Variants in SFI1 observed in about 807,000 individuals in gnomAD.
SFI1 encodes SFI1 centrin binding protein.
A neutral mutation model predicts 207.5 loss-of-function variants in SFI1; 195 were observed. The ratio of observed to expected loss-of-function variants is 0.94; its 90% CI spans 0.84 to 1.06. The LOEUF is 1.06. Ranked by LOEUF, SFI1 falls within the 50% of genes least tolerant of loss-of-function variation. The pLI is 0.00. For synonymous variants in SFI1, 630 were observed against 598.9 expected, an observed-to-expected ratio of 1.05 and a Z score of -0.76; for missense variants, 1,634 against 1,588.0, an observed-to-expected ratio of 1.03 and a Z score of -0.49.
chr22:31,603,838 G>C lies in SFI1; in HGVS notation c.1881+19G>C. On this transcript the variant is annotated intron_variant, in intron 18 of 32. Coordinates refer to ENST00000400288, the MANE Select transcript of SFI1 (RefSeq NM_001007467.3). ...GAGGGAGGTAAGGCTTTGGTGCGAG[G>C]TGCCACCCGTGTATGACTTTTGGAC... 6.4e-7 allele frequency: 1 copy of C among 1,573,902 alleles called. No individual in the cohort carries two copies. Among genetic ancestry groups the C allele is most frequent in the Non-Finnish European group, 8.6e-7 (1 of 1,167,230 alleles).
chr22:31,580,207 A>G, intron 11 of SFI1, 65 bp from the exon 12 acceptor site: 7 of 1,306,180 alleles, frequency 5.4e-6, no homozygotes, highest in Non-Finnish European at 7.7e-6. Flanking sequence ...GCCTTCCTCT[A>G]CTCTTAGTTT....
chr22:31,529,998 G>A (rs5753677), intron 3 of SFI1, among the ~76,000 whole-genome samples: 12,339 of 149,784 alleles, frequency 0.082, 812 homozygotes, highest in East Asian at 0.36. Flanking sequence ...GTGAAACCCC[G>A]TCTCTACTAA....
intron 24 of SFI1, chr22:31,612,168 GGAGATC>G (rs1459294378): frequency 1.5e-6 from 1 of 680,500 alleles, no homozygotes; most frequent in Non-Finnish European, 1.8e-6. Flanking sequence ...CATGAGGTCA[GGAGATC>G]GAGACCATCC....
At chr22:31,536,677 T>C (rs554518477) in intron 4 of SFI1, among the ~76,000 whole-genome samples, 15 of 152,320 alleles carry the variant, frequency 9.8e-5, no homozygotes, top group Admixed American at 5.9e-4. Flanking sequence ...CCTCCCAAAA[T>C]GCTGGGATTA....
rs535464036 is a variant in SFI1 at position 31,615,334 on chromosome 22, C to T, written c.3300+55C>T. 11 of 1,378,928 alleles carry T rather than the reference C, an allele frequency of 8.0e-6. No individual in the cohort carries two copies. The East Asian group carries it at 2.0e-4, about 25-fold the overall frequency. 85.4% of individuals were successfully genotyped at this position (1,378,928 alleles called of 1,614,324 possible). A position where few individuals can be genotyped will look rare whatever the true frequency, so the allele number is the denominator to read the frequency against. ...TGGGGCTCTCACTCTGGTCTGACTT[C>T]TGGTGCTTTCTCATGCCACAGCTGT... On this transcript the variant is annotated intron_variant, in intron 29 of 32. Coordinates refer to ENST00000400288, the MANE Select transcript of SFI1 (RefSeq NM_001007467.3).
At chr22:31,535,780 G>A (rs1194677801) in intron 4 of SFI1, among the ~76,000 whole-genome samples, 1 of 152,124 alleles carries the variant, frequency 6.6e-6, no homozygotes, top group Non-Finnish European at 1.5e-5. Context: ...AGGTCTCGCT[G>A]TATTGCCCTG....
At chr22:31,517,289 C>T (rs1369929872) in intron 2 of SFI1, among the ~76,000 whole-genome samples, 1 of 152,104 alleles carries the variant, frequency 6.6e-6, no homozygotes, top group Non-Finnish European at 1.5e-5. Flanking sequence ...CGCACTGTCA[C>T]ACTGGCTGGA....
Position 31,614,834 on chromosome 22 carries a change from C to A in SFI1, c.3042C>A (p.Phe1014Leu), listed in dbSNP as rs771724850. 24 of 1,613,840 alleles carry A rather than the reference C, an allele frequency of 1.5e-5. No homozygotes were observed. Among genetic ancestry groups the A allele is most frequent in the Non-Finnish European group, 1.9e-5 (23 of 1,180,026 alleles). ...GGAAGCAGCCGCGACGCCCACACTT[C>A]CTGTTGGAGCCTGCGCAGAGCCAGA... ...SARKQPRRPH[F>L]LLEPAQSQRP... The change falls in exon 28 of 33, where the codon TTC (phenylalanine) becomes TTA (leucine). Residue 1014 changes from phenylalanine (F) to leucine (L), a missense_variant. Transcript: ENST00000400288.
At chr22:31,583,014 C>T (rs989882769) in intron 12 of SFI1, among the ~76,000 whole-genome samples, 5 of 152,166 alleles carry the variant, frequency 3.3e-5, no homozygotes. Context: ...GCCTCATCCT[C>T]CTGGGCTCAA....
Position 31,602,205 on chromosome 22 carries a change from T to C in SFI1, c.1545-7T>C. 6.2e-7 allele frequency: 1 copy of C among 1,612,296 alleles called. No homozygotes were observed. Among genetic ancestry groups the C allele is most frequent in the Non-Finnish European group, 8.5e-7 (1 of 1,178,298 alleles). On this transcript the variant is annotated splice_region_variant and splice_polypyrimidine_tract_variant and intron_variant, in intron 15 of 32. Transcript: ENST00000400288. ...TTAAGTGCTTTACATTCTTCCTTGT[T>C]TTTTAGGGAGACATTAGAGAAGCAA...
intron 18 of SFI1, 59 bp from the exon 19 acceptor site, chr22:31,604,250 G>A: frequency 1.4e-6 from 2 of 1,384,142 alleles, no homozygotes; most frequent in Non-Finnish European, 2.0e-6. Flanking sequence ...AGGCAAAGCA[G>A]GAAGCCACCC....
chr22:31,589,370 A>T, intron 14 of SFI1, 77 bp from the exon 15 acceptor site: 1 of 1,294,580 alleles, frequency 7.7e-7, no homozygotes, highest in Non-Finnish European at 1.0e-6. Context: ...CAATCCTCCC[A>T]CAAGGGTGTG....
chr22:31,528,667 C>T, intron 2 of SFI1, 23 bp from the exon 3 acceptor site: 1 of 1,606,352 alleles, frequency 6.2e-7, no homozygotes, highest in Non-Finnish European at 8.5e-7. Flanking sequence ...TCTCTCCTTG[C>T]CTCTTTCGTC....
chr22:31,618,290 C>CT, intron 32 of SFI1, 24 bp from the exon 33 acceptor site: 1 of 1,605,844 alleles, frequency 6.2e-7, no homozygotes, highest in Non-Finnish European at 8.5e-7. Context: ...CCTCTCAGCC[C>CT]TGCCTGTCCC....
chr22:31,528,925 A>G (rs1035718702), intron 3 of SFI1, 62 bp downstream of exon 3: 2 of 1,489,500 alleles, frequency 1.3e-6, no homozygotes, highest in Non-Finnish European at 1.8e-6. Flanking sequence ...TTCTTGGTTA[A>G]AATGGGGGAA....
intron 12 of SFI1, among the ~76,000 whole-genome samples, chr22:31,581,748 T>C (rs1287532973): frequency 4.6e-5 from 7 of 152,146 alleles, no homozygotes; most frequent in Admixed American, 3.3e-4. Flanking sequence ...ATGAAAAATG[T>C]TTAAACATAC....
In SFI1 at chr22:31,601,336, G is replaced by A. The variant is rs902407459; in HGVS notation, c.1545-876G>A. Among the ~76,000 whole-genome samples, 3 of 152,072 alleles carry A rather than the reference G, an allele frequency of 2.0e-5. No homozygotes were observed. The South Asian group carries it at 6.2e-4, about 32-fold the overall frequency. ...GATGGGGTTTCACCGTGTTAGGCAGGATGGTCTCGATCTCCTGACCTCATG... is the reference window on the plus strand; with the variant it reads ...GATGGGGTTTCACCGTGTTAGGCAGAATGGTCTCGATCTCCTGACCTCATG... On this transcript the variant is annotated intron_variant, in intron 15 of 32. Coordinates refer to ENST00000400288, the MANE Select transcript of SFI1 (RefSeq NM_001007467.3).
chr22:31,499,549 A>G (rs1374882118), intron 1 of SFI1, among the ~76,000 whole-genome samples: 1 of 152,192 alleles, frequency 6.6e-6, no homozygotes, highest in Non-Finnish European at 1.5e-5. Flanking sequence ...AAGGATTTAG[A>G]GTATTACATA....
chr22:31,611,449 C>G lies in SFI1; in HGVS notation c.2415+146C>G, dbSNP rs1455667754. 28 of 1,084,512 alleles carry G rather than the reference C, an allele frequency of 2.6e-5. 1 individual carries two copies. In the East Asian group the frequency reaches 7.3e-4, roughly 28 times the overall value. The allele number at this position is 1,084,512 out of a possible 1,614,324, so 67.2% of individuals were successfully genotyped here. On this transcript the variant is annotated intron_variant, in intron 23 of 32. Coordinates refer to ENST00000400288, the MANE Select transcript of SFI1 (RefSeq NM_001007467.3). ...GTGGGTGGTTTGGGGTCCTGTAAGACAAAGCTGCAGGAGCCTTTCTGGGCG... is the reference window on the plus strand; with the variant it reads ...GTGGGTGGTTTGGGGTCCTGTAAGAGAAAGCTGCAGGAGCCTTTCTGGGCG...
Sources: allele counts gnomAD v4.1 joint callset (sites outside exome capture counted in the v4.1 genomes callset), GRCh38; gene constraint gnomAD v4.1.1; transcripts MANE v1.5; gene names NCBI Gene and HGNC (gene_info 2026-07-23, HGNC 2026-07-21).